The following PITPNA variants were observed in gnomAD, a reference collection of about 807,000 sequenced individuals.
The protein encoded by PITPNA is phosphatidylinositol transfer protein alpha isoform.
PITPNA carries 13 observed loss-of-function variants against 50.3 expected under a neutral mutation model. The observed-to-expected ratio is 0.26, with a 90% CI of 0.17 to 0.41. The LOEUF (loss-of-function observed/expected upper bound fraction) is 0.41, where lower values mean the gene tolerates loss of function less well. Among genes scored for constraint, PITPNA ranks in the 10% least tolerant of loss-of-function variants. PITPNA has a pLI of 1.00. For missense variants in PITPNA, 207 were observed against 333.4 expected, an observed-to-expected ratio of 0.62 and a Z score of 2.95; for synonymous variants, 120 against 119.6, an observed-to-expected ratio of 1.00 and a Z score of -0.02.
At chr17:1,551,556 G>C (rs1212622791) in intron 3 of PITPNA, among the ~76,000 whole-genome samples, 1 of 152,172 alleles carries the variant, frequency 6.6e-6, no homozygotes, top group East Asian at 1.9e-4. Flanking sequence ...GCCTCCCAAA[G>C]TGCTGGGATT....
At chr17:1,554,862 A>G (rs146178908) in intron 2 of PITPNA, among the ~76,000 whole-genome samples, 3 of 152,314 alleles carry the variant, frequency 2.0e-5, no homozygotes, top group Non-Finnish European at 4.4e-5. Context: ...AGAGGAACAT[A>G]TGGGTGAAAG....
chr17:1,553,869 T>C (rs1335731075), intron 2 of PITPNA, among the ~76,000 whole-genome samples: 1 of 152,194 alleles, frequency 6.6e-6, no homozygotes, highest in African/African-American at 2.4e-5. Flanking sequence ...CTCTTGACAT[T>C]TTCCAGATTC....
intron 6 of PITPNA, among the ~76,000 whole-genome samples, chr17:1,540,881 G>A (rs1041724330): frequency 1.3e-5 from 2 of 152,108 alleles, no homozygotes; most frequent in Non-Finnish European, 2.9e-5. Context: ...CACCGCACCC[G>A]GTCTAACGGG....
intron 3 of PITPNA, among the ~76,000 whole-genome samples, chr17:1,549,048 C>T (rs963424851): frequency 1.3e-5 from 2 of 152,166 alleles, no homozygotes; most frequent in African/African-American, 4.8e-5. Flanking sequence ...GCTGGGATTA[C>T]AGGCATGCGC....
intron 9 of PITPNA, 139 bp downstream of exon 9, chr17:1,535,043 T>A: frequency 3.2e-6 from 2 of 624,510 alleles, no homozygotes; most frequent in African/African-American, 2.0e-5. Flanking sequence ...GATGAAGTTC[T>A]CCACCACCCC....
intron 7 of PITPNA, among the ~76,000 whole-genome samples, chr17:1,537,606 T>C (rs1567580493): frequency 6.6e-6 from 1 of 152,220 alleles, no homozygotes; most frequent in Non-Finnish European, 1.5e-5. Flanking sequence ...CAAAGAATCA[T>C]ACTTTTTGCT....
chr17:1,540,123 G>A (rs958016166), intron 6 of PITPNA, among the ~76,000 whole-genome samples: 2 of 152,180 alleles, frequency 1.3e-5, no homozygotes, highest in Non-Finnish European at 2.9e-5. Flanking sequence ...ATTTCCATGT[G>A]TTCCCGGCTG....
chr17:1,521,660 G>A lies in PITPNA; in HGVS notation c.769-15C>T, dbSNP rs540875375. On this transcript the variant is annotated splice_polypyrimidine_tract_variant and intron_variant, in intron 10 of 11. Coordinates refer to ENST00000313486, the MANE Select transcript of PITPNA (RefSeq NM_006224.4). ...TTTTGTCTCATCTGGAACAAAAAAA[G>A]CAGGACAAATGGAAGGCTCCTGCTG... is the stretch of plus-strand genomic sequence containing the variant. 1.0e-3 allele frequency: 1,626 copies of A among 1,610,896 alleles called. 1 individual carries two copies. The highest frequency in any genetic ancestry group is 1.3e-3 in the Non-Finnish European group (1,544 of 1,177,228).
intron 4 of PITPNA, among the ~76,000 whole-genome samples, chr17:1,547,428 T>A (rs1361251037): frequency 6.6e-6 from 1 of 152,060 alleles, no homozygotes; most frequent in African/African-American, 2.4e-5. Flanking sequence ...GGCAGGTGGA[T>A]CACTTGAAGT....
rs1567590723 is a variant in PITPNA, at chr17:1,562,768, G to A, written c.-208C>T. Reference sequence around the variant, plus strand: ...CTCGCGCCGCTGCCGACGCCGCCCGGAGCTCCGGTTCCGCAGCGCCGCGCG... The same window carrying A: ...CTCGCGCCGCTGCCGACGCCGCCCGAAGCTCCGGTTCCGCAGCGCCGCGCG... On this transcript the variant is annotated 5_prime_UTR_variant, in exon 1 of 12. Coordinates refer to ENST00000313486, the MANE Select transcript of PITPNA (RefSeq NM_006224.4). The surrounding 1 kb of genome is among the most constrained non-coding windows in gnomAD (Gnocchi z 6.4). 1 of 163,442 alleles carries A rather than the reference G, an allele frequency of 6.1e-6. No individual in the cohort carries two copies. The allele number at this position is 163,442 out of a possible 1,614,324, so 10.1% of individuals were successfully genotyped here. A position where few individuals can be genotyped will look rare whatever the true frequency, so the allele number is the denominator to read the frequency against.
At chr17:1,535,700 C>A (rs2075611620) in intron 7 of PITPNA, 182 bp from the exon 8 acceptor site, 1 of 606,452 alleles carries the variant, frequency 1.6e-6, no homozygotes, top group African/African-American at 1.8e-5. Context: ...GAGGAGAGTT[C>A]TATGTGATTT....
chr17:1,532,212 T>C (rs565492425), intron 10 of PITPNA, among the ~76,000 whole-genome samples: 2 of 152,226 alleles, frequency 1.3e-5, no homozygotes, highest in South Asian at 2.1e-4. Context: ...CTCAGCCTCC[T>C]GAGCAGCTGG....
chr17:1,521,719 T>A, intron 10 of PITPNA, 74 bp from the exon 11 acceptor site: 1 of 1,245,826 alleles, frequency 8.0e-7, no homozygotes, highest in East Asian at 2.3e-5. Context: ...GTCCTGCCCA[T>A]AGGTGGGGTG....
chr17:1,524,691 C>CA (rs1417603803), intron 10 of PITPNA, among the ~76,000 whole-genome samples: 1 of 151,778 alleles, frequency 6.6e-6, no homozygotes, highest in Admixed American at 6.6e-5. Context: ...ACTAAAAATA[C>CA]AAAAAATATT....
At position 1,557,240 on chromosome 17, in the gene PITPNA, G is replaced by A. The variant is rs998940447; in HGVS notation, c.51+1289C>T. ...CTTATCAGATATGTAGCCCACCCCT[G>A]GAGGCAGTCCTCTAAAGGGCCAGTG... is the stretch of plus-strand genomic sequence containing the variant. On this transcript the variant is annotated intron_variant, in intron 2 of 11. Transcript: ENST00000313486. Among the ~76,000 whole-genome samples the A allele has an allele frequency of 1.3e-5, 2 of 152,078 alleles. 1 individual carries two copies. The highest frequency in any genetic ancestry group is 4.1e-4 in the South Asian group (2 of 4,820).
rs576095710 is a variant in PITPNA at position 1,524,210 on chromosome 17, A to G, written c.769-2565T>C. 3.3e-5 allele frequency among the ~76,000 whole-genome samples: 5 copies of G among 150,652 alleles called. No homozygotes were observed. The East Asian group carries it at 9.9e-4, about 30-fold the overall frequency. On this transcript the variant is annotated intron_variant, in intron 10 of 11. Coordinates refer to ENST00000313486, the MANE Select transcript of PITPNA (RefSeq NM_006224.4). The stretch of plus-strand genomic sequence containing the variant: ...TAGGTGCCCACCAACACGCCCGGCT[A>G]ATTTTTTGTGTTTTTAGTAGAGACG...
chr17:1,536,894 A>ATTT (rs35841957), intron 7 of PITPNA, among the ~76,000 whole-genome samples: 6 of 98,322 alleles, frequency 6.1e-5, no homozygotes, highest in Non-Finnish European at 1.0e-4. Context: ...TGTCCGGCCG[A>ATTT]TTTTTTTTTT....
At chr17:1,529,148 A>T (rs1419839666) in intron 10 of PITPNA, among the ~76,000 whole-genome samples, 1 of 105,288 alleles carries the variant, frequency 9.5e-6, no homozygotes, top group Admixed American at 9.7e-5. Flanking sequence ...AAAAAAAAAA[A>T]AAAAAAAAGA....
chr17:1,542,954 G>GTTACATT (rs2075655077), intron 5 of PITPNA, 66 bp downstream of exon 5: 1 of 1,282,010 alleles, frequency 7.8e-7, no homozygotes, highest in African/African-American at 1.5e-5. Flanking sequence ...CACCAGTGCA[G>GTTACATT]TTACATTTTT....
Sources: allele counts gnomAD v4.1 joint callset (sites outside exome capture counted in the v4.1 genomes callset), GRCh38; gene constraint gnomAD v4.1.1; non-coding constraint Gnocchi (gnomAD v3.1); transcripts MANE v1.5; gene names NCBI Gene and HGNC (gene_info 2026-07-23, HGNC 2026-07-21).